The following TRIO variants were observed in gnomAD, a reference collection of about 807,000 sequenced individuals.
The protein encoded by TRIO is trio Rho guanine nucleotide exchange factor.
Under a neutral mutation model 351.9 loss-of-function variants are expected in TRIO, and 58 were observed. The observed-to-expected ratio is 0.16, with a 90% CI of 0.13 to 0.21. The LOEUF is 0.21. Among genes scored for constraint, TRIO ranks in the 10% least tolerant of loss-of-function variants. The pLI is 1.00. For synonymous variants in TRIO, 1,758 were observed against 1,595.7 expected (o/e 1.10, Z -2.42); for missense variants, 3,201 against 4,027.8 (o/e 0.79, Z 5.56).
chr5:14,407,598 T>C (rs891965726), intron 33 of TRIO, among the ~76,000 whole-genome samples: 1 of 152,206 alleles, frequency 6.6e-6, no homozygotes, highest in African/African-American at 2.4e-5. Flanking sequence ...ATAACCATAG[T>C]GTGCAGCAGA....
At chr5:14,202,457 G>A (rs1791195934) in intron 1 of TRIO, among the ~76,000 whole-genome samples, 1 of 151,580 alleles carries the variant, frequency 6.6e-6, no homozygotes, top group East Asian at 1.9e-4. Flanking sequence ...AAGTTGAAGT[G>A]ATTTTGAATA....
chr5:14,290,580 G>T (rs773764), intron 4 of TRIO, 136 bp from the exon 5 acceptor site: 3 of 910,154 alleles, frequency 3.3e-6, no homozygotes, highest in Non-Finnish European at 4.8e-6. Flanking sequence ...TATGGGGCCA[G>T]AACCAGGTAT....
chr5:14,296,828 T>C (rs892188001), intron 6 of TRIO, among the ~76,000 whole-genome samples: 5 of 152,260 alleles, frequency 3.3e-5, no homozygotes, highest in African/African-American at 1.2e-4. Flanking sequence ...TGAACAATTA[T>C]GCCTTTCAGC....
At chr5:14,399,337 T>A in intron 30 of TRIO, 1 of 453,796 alleles carries the variant, frequency 2.2e-6, no homozygotes, top group Non-Finnish European at 3.9e-6. Context: ...AAACATTTCA[T>A]AAGTGAAATC....
chr5:14,183,950 A>G (rs773682486), intron 1 of TRIO: 4 of 698,086 alleles, frequency 5.7e-6, no homozygotes, highest in South Asian at 1.5e-5. Flanking sequence ...CCAAGAGGAC[A>G]TGGCAGAAGG....
At chr5:14,416,625 G>A (rs2152387300) in intron 33 of TRIO, among the ~76,000 whole-genome samples, 1 of 152,222 alleles carries the variant, frequency 6.6e-6, no homozygotes, top group Admixed American at 6.5e-5. Context: ...TTTCTTATGT[G>A]CTGTCAAGTA....
chr5:14,490,401 C>T (rs550857724), intron 48 of TRIO, among the ~76,000 whole-genome samples: 118 of 152,346 alleles, frequency 7.7e-4, no homozygotes, highest in Non-Finnish European at 1.3e-3. Context: ...AGCCCACAGC[C>T]CGGCTCCCTC....
At chr5:14,421,227 ATTTAT>A (rs77834736) in intron 34 of TRIO, among the ~76,000 whole-genome samples, 25,064 of 117,438 alleles carry the variant, frequency 0.21, 2,561 homozygotes, top group Middle Eastern at 0.32. Flanking sequence ...TTATTTATTT[ATTTAT>A]TTTATTTTAT....
chr5:14,487,768 C>A lies in TRIO; in HGVS notation c.7140C>A (p.Gly2380=). Residue 2380 remains glycine, a synonymous_variant, in exon 48 of 57, where the codon GGC becomes GGA. Coordinates refer to ENST00000344204, the MANE Select transcript of TRIO (RefSeq NM_007118.4). Reference sequence around the variant, plus strand: ...CCGGGCCCTCCCTGCCTCCCCCTGGCGCGGCCCCCGAGGCCGGCCCCAGCG... The same window carrying A: ...CCGGGCCCTCCCTGCCTCCCCCTGGAGCGGCCCCCGAGGCCGGCCCCAGCG... ...STPGPSLPPP[G]AAPEAGPSAP... 1 of 1,369,188 alleles carries A rather than the reference C, an allele frequency of 7.3e-7. No individual in the cohort carries two copies. 84.8% of individuals were successfully genotyped at this position (1,369,188 alleles called of 1,614,324 possible).
At chr5:14,333,726 A>G (rs1011646076) in intron 10 of TRIO, among the ~76,000 whole-genome samples, 1 of 152,174 alleles carries the variant, frequency 6.6e-6, no homozygotes, top group Non-Finnish European at 1.5e-5. Context: ...GCAAAGTCTC[A>G]TGCACCTTTG....
At chr5:14,215,877 TTGA>T in intron 1 of TRIO, among the ~76,000 whole-genome samples, 1 of 152,168 alleles carries the variant, frequency 6.6e-6, no homozygotes. Context: ...CTTATTTATG[TTGA>T]TTTGGTTATT....
intron 46 of TRIO, 135 bp downstream of exon 46, chr5:14,482,908 C>T (rs1166725303): frequency 4.7e-6 from 4 of 850,288 alleles, no homozygotes; most frequent in African/African-American, 1.8e-5. Flanking sequence ...ATTTCAGAGC[C>T]TTGAATTCAC....
chr5:14,213,264 A>T (rs1443540645), intron 1 of TRIO, among the ~76,000 whole-genome samples: 2 of 151,774 alleles, frequency 1.3e-5, no homozygotes, highest in Non-Finnish European at 2.9e-5. Flanking sequence ...CTTCTCTCTC[A>T]AAAGTTATTT....
Position 14,387,646 on chromosome 5 carries a change from T to C in TRIO, c.3765+14T>C, listed in dbSNP as rs1746660183. The C allele has an allele frequency of 1.9e-6, 3 of 1,609,108 alleles. No individual in the cohort carries two copies. Among genetic ancestry groups the C allele is most frequent in the Admixed American group, 1.7e-5 (1 of 59,682 alleles). On this transcript the variant is annotated intron_variant, in intron 22 of 56. Transcript: ENST00000344204. The stretch of plus-strand genomic sequence containing the variant: ...TCCAACAAATCGGTAAATGGCCTTG[T>C]GCAAACTGAATAAATTATGGTCTTC...
intron 2 of TRIO, among the ~76,000 whole-genome samples, chr5:14,275,952 A>G (rs1488870975): frequency 3.4e-5 from 5 of 146,304 alleles, no homozygotes; most frequent in Non-Finnish European, 7.5e-5. Context: ...ATATATATAC[A>G]TATATATACA....
chr5:14,423,954 A>T (rs1750399971), intron 34 of TRIO, among the ~76,000 whole-genome samples: 1 of 147,466 alleles, frequency 6.8e-6, no homozygotes, highest in Non-Finnish European at 1.5e-5. Flanking sequence ...TTTTGCTGAA[A>T]TAAGGCTTTA....
At chr5:14,443,749 CTT>C (rs1287744329) in intron 34 of TRIO, among the ~76,000 whole-genome samples, 1 of 152,244 alleles carries the variant, frequency 6.6e-6, no homozygotes, top group Non-Finnish European at 1.5e-5. Flanking sequence ...TTGTCAATAA[CTT>C]ACACAGACAT....
chr5:14,390,535 G>C (rs1421398997), intron 26 of TRIO: 1 of 563,500 alleles, frequency 1.8e-6, no homozygotes, highest in Non-Finnish European at 3.1e-6. Flanking sequence ...CCAGGTCTCC[G>C]CTTGACCCTG....
chr5:14,419,644 TCA>T (rs1214514409), intron 33 of TRIO, 132 bp from the exon 34 acceptor site: 3 of 1,210,314 alleles, frequency 2.5e-6, no homozygotes, highest in Non-Finnish European at 3.4e-6. Flanking sequence ...AGTGCAGTGA[TCA>T]CACAACCTCG....
Sources: gnomAD v4.1 joint callset for allele counts (sites outside exome capture counted in the v4.1 genomes callset) on GRCh38, gnomAD v4.1.1 for gene constraint, MANE v1.5 for transcripts, NCBI Gene and HGNC (gene_info 2026-07-23, HGNC 2026-07-21) for gene names.